The following SFMBT1 variants were observed in gnomAD, a reference collection of about 807,000 sequenced individuals.
SFMBT1 encodes the protein Scm like with four mbt domains 1.
SFMBT1 carries 32 observed loss-of-function variants against 108.7 expected under a neutral mutation model. The observed-to-expected ratio is 0.29, with a 90% CI of 0.22 to 0.40. The LOEUF (loss-of-function observed/expected upper bound fraction) is 0.40. SFMBT1 is among the 10% of genes least tolerant of loss of function. The pLI, the probability that SFMBT1 is intolerant of heterozygous loss-of-function variation, is 1.00. For missense variants in SFMBT1, 816 were observed against 1,059.6 expected (o/e 0.77, Z 3.19); for synonymous variants, 348 against 369.5 (o/e 0.94, Z 0.67).
chr3:53,039,729 G>C (rs888438036), intron 1 of SFMBT1, among the ~76,000 whole-genome samples: 1 of 152,238 alleles, frequency 6.6e-6, no homozygotes, highest in Non-Finnish European at 1.5e-5. Flanking sequence ...CCACCTCCTG[G>C]GTTCAAGCAA....
At chr3:52,946,231 G>A (rs992959814) in intron 3 of SFMBT1, among the ~76,000 whole-genome samples, 6 of 152,182 alleles carry the variant, frequency 3.9e-5, no homozygotes, top group Non-Finnish European at 8.8e-5. Flanking sequence ...TACCAGAGAA[G>A]ACTATGAAGA....
At chr3:53,001,925 T>TCTCTCTCACA (rs1448849638) in intron 1 of SFMBT1, among the ~76,000 whole-genome samples, 10 of 129,234 alleles carry the variant, frequency 7.7e-5, no homozygotes, top group Admixed American at 6.6e-4. Flanking sequence ...ACCCAGTCTC[T>TCTCTCTCACA]CACACACACA....
At chr3:53,041,092 G>A (rs532275515) in intron 1 of SFMBT1, among the ~76,000 whole-genome samples, 1 of 146,612 alleles carries the variant, frequency 6.8e-6, no homozygotes, top group East Asian at 2.0e-4. Flanking sequence ...CAAAATGCTG[G>A]GATTACAGGT....
At chr3:52,979,000 G>C (rs1171181309) in intron 1 of SFMBT1, among the ~76,000 whole-genome samples, 2 of 152,050 alleles carry the variant, frequency 1.3e-5, no homozygotes, top group Admixed American at 1.3e-4. Flanking sequence ...GTTGCTTTTG[G>C]GGGTATTAAA....
Position 53,013,486 on chromosome 3 carries a change from C to T in SFMBT1, c.-131+32330G>A, listed in dbSNP as rs145569678. ...TGCTAGCTGGAATCAACTTTTTTCA[C>T]ATTCTAGGAAATGATTACTATATTT... On this transcript the variant is annotated intron_variant, in intron 1 of 20. Transcript: ENST00000394752. Among the ~76,000 whole-genome samples the T allele has an allele frequency of 3.0e-4, 45 of 151,436 alleles. 1 individual carries two copies. The highest frequency in any genetic ancestry group is 1.0e-3 in the African/African-American group (42 of 40,824).
chr3:52,907,537 A>G lies in SFMBT1; in HGVS notation c.2085+18T>C, dbSNP rs747273314. 1.2e-5 allele frequency: 19 copies of G among 1,606,232 alleles called. No individual in the cohort carries two copies. In the East Asian group the frequency reaches 3.6e-4, roughly 30 times the overall value. ...CACTTGGCTTCAAGACATTACAGGC[A>G]CATCACAGATCTCATACCTGGGGAG... On this transcript the variant is annotated intron_variant, in intron 18 of 20. Coordinates refer to ENST00000394752, the MANE Select transcript of SFMBT1 (RefSeq NM_016329.4).
intron 1 of SFMBT1, among the ~76,000 whole-genome samples, chr3:52,972,937 G>A (rs910366889): frequency 1.3e-5 from 2 of 151,992 alleles, no homozygotes; most frequent in East Asian, 1.9e-4. Context: ...GAAGAGAATC[G>A]CTTGAGCCTG....
chr3:52,928,646 A>G (rs1702755896), intron 8 of SFMBT1, among the ~76,000 whole-genome samples: 2 of 104,204 alleles, frequency 1.9e-5, no homozygotes, highest in South Asian at 9.8e-4. Context: ...ACATATATAT[A>G]TATATATACA....
chr3:52,969,310 C>A, intron 1 of SFMBT1, 52 bp from the exon 2 acceptor site: 1 of 1,448,354 alleles, frequency 6.9e-7, no homozygotes, highest in Non-Finnish European at 9.1e-7. Context: ...AGTGTGCTCA[C>A]TCACTCATCA....
chr3:52,949,358 C>T (rs1319485744), intron 3 of SFMBT1, among the ~76,000 whole-genome samples: 1 of 152,068 alleles, frequency 6.6e-6, no homozygotes, highest in Non-Finnish European at 1.5e-5. Context: ...CAACAATGTC[C>T]TTACTAATTT....
intron 3 of SFMBT1, among the ~76,000 whole-genome samples, chr3:52,945,462 GA>G (rs1291834577): frequency 2.0e-5 from 3 of 149,452 alleles, no homozygotes; most frequent in Middle Eastern, 3.2e-3. Flanking sequence ...AATAAATATT[GA>G]AAAAAAAAGA....
At chr3:53,010,450 G>C (rs574890509) in intron 1 of SFMBT1, among the ~76,000 whole-genome samples, 18 of 152,332 alleles carry the variant, frequency 1.2e-4, no homozygotes, top group African/African-American at 4.3e-4. Flanking sequence ...ACCCTCTGTG[G>C]GGCTGGTAAG....
chr3:53,001,535 T>C (rs1208689324), intron 1 of SFMBT1, among the ~76,000 whole-genome samples: 1 of 150,014 alleles, frequency 6.7e-6, no homozygotes, highest in Non-Finnish European at 1.5e-5. Context: ...AGTAAGTAGA[T>C]GGCAGCTCAC....
intron 14 of SFMBT1, among the ~76,000 whole-genome samples, chr3:52,914,645 G>A (rs1300082278): frequency 6.6e-6 from 1 of 152,216 alleles, no homozygotes; most frequent in African/African-American, 2.4e-5. Flanking sequence ...TCGGGAGGCT[G>A]ATGTAGGAGG....
rs866236856 is a variant in SFMBT1 at position 53,003,993 on chromosome 3, C to T, written c.-130-34735G>A. Among the ~76,000 whole-genome samples the T allele has an allele frequency of 1.6e-4, 24 of 149,778 alleles. 2 individuals carry two copies. The highest frequency in any genetic ancestry group is 2.7e-4 in the Admixed American group (4 of 14,778). On this transcript the variant is annotated intron_variant, in intron 1 of 20. Coordinates refer to ENST00000394752, the MANE Select transcript of SFMBT1 (RefSeq NM_016329.4). ...TTTCCTCAACAACCTACTCCTTCAACGAGTGCTGAAGAGAGAAACAATGGT... is the reference window on the plus strand; with the variant it reads ...TTTCCTCAACAACCTACTCCTTCAATGAGTGCTGAAGAGAGAAACAATGGT...
chr3:52,949,967 T>A (rs1703516189), intron 3 of SFMBT1, among the ~76,000 whole-genome samples: 1 of 152,194 alleles, frequency 6.6e-6, no homozygotes, highest in African/African-American at 2.4e-5. Context: ...ATCCATTTAC[T>A]TTTAACCTAT....
intron 1 of SFMBT1, among the ~76,000 whole-genome samples, chr3:53,042,002 C>T (rs1176808942): frequency 6.6e-6 from 1 of 151,820 alleles, no homozygotes; most frequent in Non-Finnish European, 1.5e-5. Flanking sequence ...TATGTTATTC[C>T]AAAATATTGG....
chr3:52,965,322 C>CA (rs1704096648), intron 2 of SFMBT1, among the ~76,000 whole-genome samples: 2 of 84,198 alleles, frequency 2.4e-5, no homozygotes, highest in East Asian at 3.2e-4. Flanking sequence ...AGAGAGAAAA[C>CA]ATTAAAAAAA....
intron 1 of SFMBT1, among the ~76,000 whole-genome samples, chr3:52,975,936 G>C (rs1473837648): frequency 6.6e-6 from 1 of 152,092 alleles, no homozygotes; most frequent in Non-Finnish European, 1.5e-5. Context: ...GCTTGAGTCT[G>C]AGAGGCAGAG....
Sources: gnomAD v4.1 joint callset for allele counts (sites outside exome capture counted in the v4.1 genomes callset) on GRCh38, gnomAD v4.1.1 for gene constraint, MANE v1.5 for transcripts, NCBI Gene and HGNC (gene_info 2026-07-23, HGNC 2026-07-21) for gene names.